The following CDK5RAP1 variants were observed in gnomAD, a reference collection of about 807,000 sequenced individuals.
CDK5RAP1 encodes CDK5RAP1 mitochondrial tRNA methylthiotransferase.
CDK5RAP1 carries 62 observed loss-of-function variants against 64.5 expected under a neutral mutation model. That is an observed-to-expected ratio of 0.96 (90% confidence interval 0.78 to 1.19). The LOEUF is 1.19. CDK5RAP1 is among the 50% of genes most tolerant of loss of function. The probability of loss-of-function intolerance (pLI) is 0.00; values close to 1 mark genes in which losing one functional copy is unlikely to be tolerated. For synonymous variants in CDK5RAP1, 250 were observed against 261.9 expected (o/e 0.95, Z 0.44); for missense variants, 657 against 735.0 (o/e 0.89, Z 1.23).
Position 33,366,844 on chromosome 20 carries a change from C to T in CDK5RAP1, c.1542+15G>A. The T allele has an allele frequency of 6.3e-7, 1 of 1,595,362 alleles. No homozygotes were observed. The highest frequency in any genetic ancestry group is 8.5e-7 in the Non-Finnish European group (1 of 1,172,936). ...AACATAAAAAACAACATAACACACA[C>T]ACATATGGCCTCACCCCTTCCACTA... is the stretch of plus-strand genomic sequence containing the variant. On this transcript the variant is annotated intron_variant, in intron 12 of 13. Coordinates refer to ENST00000346416, the MANE Select transcript of CDK5RAP1 (RefSeq NM_016408.4).
At chr20:33,359,909 G>C (rs529003435) in intron 13 of CDK5RAP1, 3 of 158,112 alleles carry the variant, frequency 1.9e-5, no homozygotes, top group Middle Eastern at 6.5e-3. Context: ...AAGAAAGGGA[G>C]AGAAAATCCC....
intron 10 of CDK5RAP1, among the ~76,000 whole-genome samples, chr20:33,371,252 C>T (rs928261645): frequency 5.3e-5 from 8 of 152,170 alleles, no homozygotes; most frequent in Non-Finnish European, 1.2e-4. Flanking sequence ...TGTGTTCATG[C>T]CACTGCATTC....
intron 8 of CDK5RAP1, among the ~76,000 whole-genome samples, chr20:33,378,930 G>T (rs1986381408): frequency 2.6e-5 from 4 of 152,054 alleles, no homozygotes; most frequent in Admixed American, 2.6e-4. Flanking sequence ...CTGAATATCA[G>T]TCCTACCTCC....
chr20:33,360,534 G>C, intron 12 of CDK5RAP1, 43 bp from the exon 13 acceptor site: 1 of 1,576,036 alleles, frequency 6.3e-7, no homozygotes, highest in Admixed American at 1.8e-5. Flanking sequence ...TGTCACAGTT[G>C]TAAGTTCTTG....
intron 10 of CDK5RAP1, among the ~76,000 whole-genome samples, chr20:33,370,926 T>C (rs910324087): frequency 6.6e-6 from 1 of 152,200 alleles, no homozygotes; most frequent in Non-Finnish European, 1.5e-5. Flanking sequence ...ATCAGTCCTC[T>C]TACCAGTGAA....
chr20:33,396,634 T>C (rs1412746023), intron 2 of CDK5RAP1, 127 bp downstream of exon 2: 3 of 739,298 alleles, frequency 4.1e-6, no homozygotes, highest in East Asian at 2.5e-5. Context: ...TGGTGGAGTC[T>C]AATGATTCCC....
intron 4 of CDK5RAP1, among the ~76,000 whole-genome samples, chr20:33,393,689 A>G (rs748361483): frequency 2.3e-4 from 35 of 152,174 alleles, no homozygotes; most frequent in Admixed American, 1.6e-3. Flanking sequence ...CCGGGCAGCT[A>G]TATTATAAAC....
At chr20:33,368,134 G>A (rs1984327349) in intron 11 of CDK5RAP1, among the ~76,000 whole-genome samples, 1 of 152,152 alleles carries the variant, frequency 6.6e-6, no homozygotes, top group African/African-American at 2.4e-5. Context: ...TAGTTATTAA[G>A]CAGCAGAGGC....
intron 2 of CDK5RAP1, 57 bp downstream of exon 2, chr20:33,396,704 G>A: frequency 7.9e-7 from 1 of 1,267,846 alleles, no homozygotes; most frequent in South Asian, 1.3e-5. Flanking sequence ...ATCATGCCAG[G>A]AATGACAGAG....
intron 7 of CDK5RAP1, 175 bp downstream of exon 7, chr20:33,385,474 TG>T: frequency 3.2e-6 from 2 of 619,340 alleles, no homozygotes; most frequent in Non-Finnish European, 2.8e-6. Context: ...GCCTCCATAG[TG>T]GAGCTCTGTA....
intron 8 of CDK5RAP1, among the ~76,000 whole-genome samples, chr20:33,376,706 ATTAT>A (rs1214056046): frequency 6.6e-6 from 1 of 152,230 alleles, no homozygotes; most frequent in Non-Finnish European, 1.5e-5. Context: ...ATCAATTCTT[ATTAT>A]TTAAGAAATA....
At chr20:33,372,782 CA>C in intron 9 of CDK5RAP1, 85 bp from the exon 10 acceptor site, 1 of 859,174 alleles carries the variant, frequency 1.2e-6, no homozygotes. Context: ...TATGAATTTC[CA>C]CATGTAATCA....
intron 13 of CDK5RAP1, 125 bp downstream of exon 13, chr20:33,360,226 G>T: frequency 2.4e-6 from 2 of 848,342 alleles, no homozygotes; most frequent in Non-Finnish European, 3.7e-6. Context: ...CCCTTCCATT[G>T]TACTGGTTGA....
intron 7 of CDK5RAP1, among the ~76,000 whole-genome samples, chr20:33,379,994 G>A (rs888411852): frequency 1.4e-4 from 22 of 152,136 alleles, no homozygotes; most frequent in South Asian, 2.1e-4. Flanking sequence ...TGATAGATCT[G>A]TCATTTGAAT....
chr20:33,365,031 G>T (rs1983641500), intron 12 of CDK5RAP1, among the ~76,000 whole-genome samples: 1 of 152,032 alleles, frequency 6.6e-6, no homozygotes, highest in African/African-American at 2.4e-5. Flanking sequence ...TGTGACTACA[G>T]GTGTGCACCA....
At chr20:33,368,446 C>T (rs1984384314) in intron 11 of CDK5RAP1, among the ~76,000 whole-genome samples, 1 of 149,944 alleles carries the variant, frequency 6.7e-6, no homozygotes, top group Admixed American at 6.7e-5. Flanking sequence ...GCATGTGCCA[C>T]CACTCTCGGC....
intron 1 of CDK5RAP1, among the ~76,000 whole-genome samples, chr20:33,400,533 A>C (rs1989307244): frequency 6.6e-6 from 1 of 152,188 alleles, no homozygotes; most frequent in Non-Finnish European, 1.5e-5. Flanking sequence ...TGTTATTAAG[A>C]ATAAGATATT....
chr20:33,396,838 T>C lies in CDK5RAP1; in HGVS notation c.227A>G (p.Gln76Arg). The C allele has an allele frequency of 3.1e-6, 5 of 1,613,936 alleles. No individual in the cohort carries two copies. Among genetic ancestry groups the C allele is most frequent in the Non-Finnish European group, 4.2e-6 (5 of 1,179,812 alleles). The change falls in exon 2 of 14, where the codon CAG becomes CGG. Residue 76 changes from glutamine (Q) to arginine (R), a missense_variant. By Grantham distance (43) the Gln-to-Arg change is conservative. Coordinates refer to ENST00000346416, the MANE Select transcript of CDK5RAP1 (RefSeq NM_016408.4). Reference protein sequence around the residue: ...QHFLKSASAPQEKLSSEVEDP... With the variant: ...QHFLKSASAPREKLSSEVEDP... Reference sequence around the variant, plus strand: ...TTCCACTTCTGAAGACAGCTTCTCCTGAGGAGCTGAGGCACTTTTTAAAAA... The same window carrying C: ...TTCCACTTCTGAAGACAGCTTCTCCCGAGGAGCTGAGGCACTTTTTAAAAA...
chr20:33,389,341 C>T (rs866524088), intron 5 of CDK5RAP1, among the ~76,000 whole-genome samples: 21 of 149,272 alleles, frequency 1.4e-4, no homozygotes, highest in South Asian at 4.3e-4. Flanking sequence ...GGAGCCCCTC[C>T]GCGCGGCAGC....
Sources: allele counts gnomAD v4.1 joint callset (sites outside exome capture counted in the v4.1 genomes callset), GRCh38; gene constraint gnomAD v4.1.1; transcripts MANE v1.5; gene names NCBI Gene and HGNC (gene_info 2026-07-23, HGNC 2026-07-21).